The following NTN1 variants were observed in gnomAD, a reference collection of about 807,000 sequenced individuals.
NTN1 encodes netrin-1.
A neutral mutation model predicts 54.2 loss-of-function variants in NTN1; 11 were observed. That is an observed-to-expected ratio of 0.20 (90% CI 0.13 to 0.34). NTN1 has a LOEUF of 0.34. NTN1 is among the 10% of genes least tolerant of loss of function. NTN1 has a pLI of 1.00. For missense variants in NTN1, 740 were observed against 893.1 expected, an observed-to-expected ratio of 0.83 and a Z score of 2.18; for synonymous variants, 371 against 382.0, an observed-to-expected ratio of 0.97 and a Z score of 0.33.
chr17:9,095,593 C>A (rs886213783), intron 2 of NTN1, among the ~76,000 whole-genome samples: 1 of 152,156 alleles, frequency 6.6e-6, no homozygotes, highest in Admixed American at 6.6e-5. Context: ...TTTGCCAGTG[C>A]CACACTGTTT....
intron 2 of NTN1, among the ~76,000 whole-genome samples, chr17:9,138,434 G>C (rs1210127824): frequency 1.3e-5 from 2 of 152,060 alleles, no homozygotes; most frequent in Admixed American, 1.3e-4. Context: ...TACTTCCAGG[G>C]GGTAGGTGTC....
At chr17:9,159,801 A>G (rs1432230913) in intron 2 of NTN1, among the ~76,000 whole-genome samples, 1 of 150,152 alleles carries the variant, frequency 6.7e-6, no homozygotes, top group Admixed American at 6.6e-5. Context: ...ACTCCATCTC[A>G]AATAAATAAA....
chr17:9,218,642 C>T (rs1005768672), intron 5 of NTN1, among the ~76,000 whole-genome samples: 1 of 151,464 alleles, frequency 6.6e-6, no homozygotes, highest in Non-Finnish European at 1.5e-5. Context: ...TCCTGCCCCG[C>T]CCCCCACCCC....
rs531774506 is a variant in NTN1 at position 9,193,055 on chromosome 17, G to C, written c.1411+10086G>C. On this transcript the variant is annotated intron_variant, in intron 5 of 6. Transcript: ENST00000173229. ...GGATCATGCCACTGCACTCCAGCCT[G>C]GGCGACAGAGTGAGACTCTGTCTCA... Among the ~76,000 whole-genome samples, 9 of 149,246 alleles carry C rather than the reference G, an allele frequency of 6.0e-5. 1 individual carries two copies. The highest frequency in any genetic ancestry group is 2.0e-4 in the African/African-American group (8 of 40,426).
intron 3 of NTN1, among the ~76,000 whole-genome samples, chr17:9,166,174 C>T (rs1182728053): frequency 2.1e-5 from 2 of 94,764 alleles, no homozygotes; most frequent in East Asian, 5.5e-4. Context: ...ACCACCACCA[C>T]CACCACCACC....
At chr17:9,052,880 G>C (rs73264116) in intron 2 of NTN1, among the ~76,000 whole-genome samples, 2 of 152,220 alleles carry the variant, frequency 1.3e-5, no homozygotes, top group African/African-American at 4.8e-5. Context: ...GGGCAGAGGG[G>C]CCATATCCTT....
intron 2 of NTN1, among the ~76,000 whole-genome samples, chr17:9,123,388 A>G (rs1242913418): frequency 6.6e-6 from 1 of 152,218 alleles, no homozygotes; most frequent in Non-Finnish European, 1.5e-5. Flanking sequence ...AAAGATAGTA[A>G]CTTTCCGTCC....
At chr17:9,004,309 A>G in the NTN1 span, among the ~76,000 whole-genome samples, 1 of 152,230 alleles carries the variant, frequency 6.6e-6, no homozygotes, top group Non-Finnish European at 1.5e-5. Flanking sequence ...TAGTAGAAAC[A>G]GGGTCGACCT....
At chr17:9,203,212 T>TGC (rs1567737688) in intron 5 of NTN1, among the ~76,000 whole-genome samples, 1 of 152,124 alleles carries the variant, frequency 6.6e-6, no homozygotes, top group African/African-American at 2.4e-5. Context: ...TGAGCCACCA[T>TGC]GCCCGGCTGG....
At chr17:9,139,265 C>G (rs1433061256) in intron 2 of NTN1, among the ~76,000 whole-genome samples, 1 of 152,080 alleles carries the variant, frequency 6.6e-6, no homozygotes, top group Non-Finnish European at 1.5e-5. Context: ...GTGCTTTAGG[C>G]CTGTTGACCC....
intron 5 of NTN1, among the ~76,000 whole-genome samples, chr17:9,206,607 G>A (rs2142342480): frequency 6.6e-6 from 1 of 152,326 alleles, no homozygotes; most frequent in African/African-American, 2.4e-5. Flanking sequence ...GAATGACACG[G>A]GATGGGCTTC....
chr17:9,168,409 G>A (rs2092378655), intron 3 of NTN1, among the ~76,000 whole-genome samples: 1 of 152,142 alleles, frequency 6.6e-6, no homozygotes, highest in Admixed American at 6.5e-5. Flanking sequence ...GCGCATGCCT[G>A]TAATCCCAGC....
At chr17:9,104,278 G>A (rs1175883761) in intron 2 of NTN1, among the ~76,000 whole-genome samples, 1 of 152,062 alleles carries the variant, frequency 6.6e-6, no homozygotes, top group Non-Finnish European at 1.5e-5. Context: ...TCTGGAGATG[G>A]AGGTGGTGAT....
intron 2 of NTN1, among the ~76,000 whole-genome samples, chr17:9,052,598 A>G (rs1030908561): frequency 1.3e-5 from 2 of 152,264 alleles, no homozygotes; most frequent in Non-Finnish European, 2.9e-5. Context: ...CATGCTTTAG[A>G]ATATAAGGCT....
intron 5 of NTN1, among the ~76,000 whole-genome samples, chr17:9,220,438 C>A (rs1905307525): frequency 6.6e-6 from 1 of 152,150 alleles, no homozygotes; most frequent in African/African-American, 2.4e-5. Flanking sequence ...AGGGAAAAGC[C>A]ATGGTTGGGC....
At chr17:9,107,061 AG>A (rs1290762429) in intron 2 of NTN1, among the ~76,000 whole-genome samples, 1 of 152,176 alleles carries the variant, frequency 6.6e-6, no homozygotes, top group Non-Finnish European at 1.5e-5. Flanking sequence ...TTTGGGTCAA[AG>A]CCCCATGTGA....
At chr17:9,130,468 A>C (rs185221439) in intron 2 of NTN1, among the ~76,000 whole-genome samples, 1 of 152,166 alleles carries the variant, frequency 6.6e-6, no homozygotes, top group East Asian at 1.9e-4. Context: ...GTCCTGCAGG[A>C]GTTCACAGTC....
At chr17:9,052,022 G>A (rs754454253) in intron 2 of NTN1, among the ~76,000 whole-genome samples, 17 of 151,978 alleles carry the variant, frequency 1.1e-4, no homozygotes, top group South Asian at 4.2e-4. Flanking sequence ...GCCTAGGCTG[G>A]TATGCAATGA....
intron 2 of NTN1, among the ~76,000 whole-genome samples, chr17:9,038,265 C>CACACACACACACACACACACACACA (rs55982115): frequency 0.081 from 11,675 of 143,952 alleles, 644 homozygotes; most frequent in Non-Finnish European, 0.11. Flanking sequence ...TTCTCTCTCT[C>CACACACACACACACACACACACACA]CACACACACA....
Sources: gnomAD v4.1 joint callset for allele counts (sites outside exome capture counted in the v4.1 genomes callset) on GRCh38, gnomAD v4.1.1 for gene constraint, MANE v1.5 for transcripts, NCBI Gene and HGNC (gene_info 2026-07-23, HGNC 2026-07-21) for gene names.